Variants in KLHL26 observed in about 807,000 individuals in gnomAD.
KLHL26 encodes kelch-like protein 26.
KLHL26 carries 4 observed loss-of-function variants against 7.1 expected under a neutral mutation model. The ratio of observed to expected loss-of-function variants is 0.56; its 90% confidence interval spans 0.28 to 1.28. The LOEUF is 1.28. Ranked by LOEUF, KLHL26 falls within the 50% of genes most tolerant of loss-of-function variation. KLHL26 has a pLI of 0.11. For synonymous variants in KLHL26, 465 were observed against 414.1 expected, an observed-to-expected ratio of 1.12 and a Z score of -1.49; for missense variants, 896 against 924.6, an observed-to-expected ratio of 0.97 and a Z score of 0.40.
intron 1 of KLHL26, among the ~76,000 whole-genome samples, chr19:18,647,910 T>C (rs1976834094): frequency 1.3e-5 from 2 of 152,232 alleles, no homozygotes; most frequent in Non-Finnish European, 2.9e-5. Flanking sequence ...CCATGCCTGG[T>C]GCTGGACATG....
intron 1 of KLHL26, among the ~76,000 whole-genome samples, chr19:18,651,067 G>A (rs943819750): frequency 4.6e-5 from 7 of 152,172 alleles, no homozygotes; most frequent in African/African-American, 1.2e-4. Flanking sequence ...AGATACTGCC[G>A]TCAGTTAAAG....
At position 18,650,232 on chromosome 19, in the gene KLHL26, C is replaced by T. The variant is rs965371799; in HGVS notation, c.83+13095C>T. Among the ~76,000 whole-genome samples the T allele has an allele frequency of 6.6e-5, 10 of 152,176 alleles. No homozygotes were observed. The highest frequency in any genetic ancestry group is 3.9e-4 in the Admixed American group (6 of 15,282). On this transcript the variant is annotated intron_variant, in intron 1 of 2. Transcript: ENST00000300976. This position sits in a 1 kb window ranked among gnomAD's most constrained non-coding sequence, Gnocchi z 4.2. ...GATATCCGGAGAGTTCTGCTCTCCACGGGATGTTAGAATTTGAGGCAGTCT... is the reference window on the plus strand; with the variant it reads ...GATATCCGGAGAGTTCTGCTCTCCATGGGATGTTAGAATTTGAGGCAGTCT...
Position 18,650,477 on chromosome 19 carries a change from G to A in KLHL26, c.83+13340G>A, listed in dbSNP as rs2052239849. Among the ~76,000 whole-genome samples, 1 of 152,156 alleles carries A rather than the reference G, an allele frequency of 6.6e-6. No individual in the cohort carries two copies. Among genetic ancestry groups the A allele is most frequent in the Non-Finnish European group, 1.5e-5 (1 of 68,026 alleles). On this transcript the variant is annotated intron_variant, in intron 1 of 2. Coordinates refer to ENST00000300976, the MANE Select transcript of KLHL26 (RefSeq NM_018316.3). This position sits in a 1 kb window ranked among gnomAD's most constrained non-coding sequence, Gnocchi z 4.2. ...GGACTGAAGTTCGAGTTGGAAGCAC[G>A]CGTTCTCCTTGGTGAAGTCCGTCCT...
Position 18,637,100 on chromosome 19 carries a change from G to A in KLHL26, c.46G>A (p.Ala16Thr). 7.2e-7 allele frequency: 1 copy of A among 1,380,702 alleles called. No homozygotes were observed. The highest frequency in any genetic ancestry group is 9.4e-7 in the Non-Finnish European group (1 of 1,067,040). The allele number at this position is 1,380,702 out of a possible 1,614,324, so 85.5% of individuals were successfully genotyped here. ...CAGCGGTGGTGCTGGTGGCGGCGGC[G>A]CTTTCGGCGCGGGCCCGGGCCCCGA... ...GSSGGAGGGG[A>T]FGAGPGPERP... The change falls in exon 1 of 3, where the codon GCT becomes ACT. Residue 16 changes from alanine to threonine, a missense_variant. Ala to Thr is a moderately conservative substitution (Grantham distance 58). Transcript: ENST00000300976.
At chr19:18,657,016 T>C (rs1274872055) in intron 1 of KLHL26, among the ~76,000 whole-genome samples, 1 of 151,292 alleles carries the variant, frequency 6.6e-6, no homozygotes, top group African/African-American at 2.4e-5. Context: ...TGCATCTCTG[T>C]CTCTGAGTCT....
At chr19:18,645,802 ACT>A (rs1373017562) in intron 1 of KLHL26, among the ~76,000 whole-genome samples, 1 of 147,952 alleles carries the variant, frequency 6.8e-6, no homozygotes, top group Admixed American at 6.8e-5. Context: ...ACAGAGTGAG[ACT>A]CTGTATCAAA....
chr19:18,655,785 G>C (rs1416664284), intron 1 of KLHL26, among the ~76,000 whole-genome samples: 1 of 152,174 alleles, frequency 6.6e-6, no homozygotes, highest in African/African-American at 2.4e-5. Flanking sequence ...GCTTCCTCTT[G>C]TTGGCCTTGA....
rs776516434 is a variant in KLHL26, at chr19:18,667,894, T to G, written c.497T>G (p.Leu166Arg). The G allele has an allele frequency of 6.2e-7, 1 of 1,612,598 alleles. No individual in the cohort carries two copies. The highest frequency in any genetic ancestry group is 1.1e-5 in the South Asian group (1 of 91,080). Residue 166 changes from leucine to arginine, a missense_variant, in exon 3 of 3, where the codon CTC (leucine) becomes CGC (arginine). Leu to Arg is a moderately radical substitution (Grantham distance 102). Transcript: ENST00000300976. ...GCGGCCATGAGCGTGGAGACCTGCC[T>G]CAACATCGGCCAGATGGCCACCACC... ...LKAAMSVETC[L>R]NIGQMATTFS...
chr19:18,664,475 C>G, intron 2 of KLHL26, 32 bp downstream of exon 2: 1 of 1,516,232 alleles, frequency 6.6e-7, no homozygotes. Context: ...CTGGAAGGGG[C>G]GGCTGCCTGT....
At chr19:18,641,584 G>A (rs1053720522) in intron 1 of KLHL26, among the ~76,000 whole-genome samples, 2 of 150,012 alleles carry the variant, frequency 1.3e-5, no homozygotes, top group African/African-American at 4.9e-5. Context: ...CTCCCAAAGT[G>A]CTGGGATTAG....
At chr19:18,660,300 CG>C (rs2052379346) in intron 1 of KLHL26, among the ~76,000 whole-genome samples, 1 of 152,216 alleles carries the variant, frequency 6.6e-6, no homozygotes, top group East Asian at 1.9e-4. Context: ...GCCCCTAGCC[CG>C]GGCCAGGCCT....
In KLHL26 at chr19:18,640,551, ATT is replaced by A. The variant is rs56247740; in HGVS notation, c.83+3438_83+3439del. On this transcript the variant is annotated intron_variant, in intron 1 of 2. Transcript: ENST00000300976. Reference sequence around the variant, plus strand: ...AGCCACTACGCCTGGCTATGTTTTAATTTTTTTTTTTTTTTTTTTTTTTTTGA... The same window carrying A: ...AGCCACTACGCCTGGCTATGTTTTAATTTTTTTTTTTTTTTTTTTTTTTGA... Among the ~76,000 whole-genome samples the A allele has an allele frequency of 7.6e-3, 734 of 96,588 alleles. 6 individuals carry two copies. The highest frequency in any genetic ancestry group is 0.027 in the Admixed American group (223 of 8,306). The allele number at this position is 96,588 out of a possible 152,430, so 63.4% of individuals were successfully genotyped here. A position where few individuals can be genotyped will look rare whatever the true frequency, so the allele number is the denominator to read the frequency against.
At chr19:18,667,577 G>A in intron 2 of KLHL26, 87 bp from the exon 3 acceptor site, 1 of 1,528,088 alleles carries the variant, frequency 6.5e-7, no homozygotes, top group Non-Finnish European at 8.8e-7. Context: ...GTGTCCCCAG[G>A]CTACTGTTCC....
intron 1 of KLHL26, among the ~76,000 whole-genome samples, chr19:18,651,665 G>A (rs557087103): frequency 3.6e-4 from 55 of 152,390 alleles, no homozygotes; most frequent in African/African-American, 1.3e-3. Context: ...TGGCAGCCCC[G>A]TCCCTTCTGG....
intron 1 of KLHL26, among the ~76,000 whole-genome samples, chr19:18,647,584 G>A (rs1308987826): frequency 6.6e-6 from 1 of 151,044 alleles, no homozygotes; most frequent in East Asian, 1.9e-4. Flanking sequence ...GAGATGAGAG[G>A]GAGGAGGAGG....
rs1424501302 is a variant in KLHL26, at chr19:18,653,065, TATG to T, written c.84-11193_84-11191del. Among the ~76,000 whole-genome samples, 12 of 152,196 alleles carry T rather than the reference TATG, an allele frequency of 7.9e-5. No individual in the cohort carries two copies. In the East Asian group the frequency reaches 2.3e-3, roughly 29 times the overall value. On this transcript the variant is annotated intron_variant, in intron 1 of 2. Transcript: ENST00000300976. ...TTCATGGTCCCAAGTGGGTGGGTCC[TATG>T]ATCATCACCATGATGCAGATGGGGA...
In KLHL26 at chr19:18,669,491, TC is replaced by T. The variant is rs948615538; in HGVS notation, c.*250del. The T allele has an allele frequency of 1.8e-6, 1 of 567,846 alleles. No homozygotes were observed. The allele number at this position is 567,846 out of a possible 1,614,324, so 35.2% of individuals were successfully genotyped here. On this transcript the variant is annotated 3_prime_UTR_variant, in exon 3 of 3. Transcript: ENST00000300976. ...CTGACATGTGGTGGCAGCAAATTCG[TC>T]CCCGGGGTGGTTTCCTCGCCTGGCC...
At chr19:18,665,674 G>A (rs1309160040) in intron 2 of KLHL26, among the ~76,000 whole-genome samples, 2 of 152,228 alleles carry the variant, frequency 1.3e-5, no homozygotes, top group African/African-American at 4.8e-5. Flanking sequence ...GGCCGGGCCG[G>A]AAGTGAGAGC....
chr19:18,664,150 C>T, intron 1 of KLHL26, 111 bp from the exon 2 acceptor site: 2 of 975,608 alleles, frequency 2.0e-6, no homozygotes, highest in Non-Finnish European at 2.9e-6. Context: ...TCAGTGGAGT[C>T]ATACACAGTG....
Sources: allele counts gnomAD v4.1 joint callset (sites outside exome capture counted in the v4.1 genomes callset), GRCh38; gene constraint gnomAD v4.1.1; non-coding constraint Gnocchi (gnomAD v3.1); transcripts MANE v1.5; gene names NCBI Gene and HGNC (gene_info 2026-07-23, HGNC 2026-07-21).